The following UBE2D2 variants were observed in gnomAD, a reference collection of about 807,000 sequenced individuals.
UBE2D2 encodes the protein ubiquitin conjugating enzyme E2 D2, also known as ubiquitin-conjugating enzyme E2 D2.
UBE2D2 carries 2 observed loss-of-function variants against 24.2 expected under a neutral mutation model. That is an observed-to-expected ratio of 0.08 (90% CI 0.03 to 0.26). The LOEUF is 0.26. Ranked by LOEUF, UBE2D2 falls within the 10% of genes least tolerant of loss-of-function variation. The probability of loss-of-function intolerance (pLI) is 1.00; values close to 1 mark genes in which losing one functional copy is unlikely to be tolerated. For missense variants in UBE2D2, 44 were observed against 177.6 expected, an observed-to-expected ratio of 0.25 and a Z score of 4.28; for synonymous variants, 58 against 56.5, an observed-to-expected ratio of 1.03 and a Z score of -0.12.
chr5:139,533,969 G>A (rs1752630430), intron 1 of UBE2D2, among the ~76,000 whole-genome samples: 1 of 151,478 alleles, frequency 6.6e-6, no homozygotes, highest in East Asian at 2.0e-4. Flanking sequence ...ATTTAGTAGA[G>A]ACACGGTTTC....
At chr5:139,558,874 C>T (rs1479055580), upstream of UBE2D2, among the ~76,000 whole-genome samples, 1 of 151,986 alleles carries the variant, frequency 6.6e-6, no homozygotes, top group African/African-American at 2.4e-5. Flanking sequence ...CACCACGGCT[C>T]ACTGCAGTTT....
intron 6 of UBE2D2, 200 bp downstream of exon 6, chr5:139,623,661 C>T (rs1033562866): frequency 2.3e-5 from 10 of 428,302 alleles, no homozygotes; most frequent in East Asian, 1.7e-4. Flanking sequence ...GATTGTTTCA[C>T]GTGACTCCTC....
chr5:139,543,357 G>T (rs1752782802), intron 1 of UBE2D2, among the ~76,000 whole-genome samples: 1 of 152,204 alleles, frequency 6.6e-6, no homozygotes, highest in South Asian at 2.1e-4. Flanking sequence ...ACAGTGAGCT[G>T]CCAAACTGTT....
At chr5:139,623,511 T>A in intron 6 of UBE2D2, 50 bp downstream of exon 6, 1 of 1,475,112 alleles carries the variant, frequency 6.8e-7, no homozygotes, top group East Asian at 2.3e-5. Flanking sequence ...ATGGAGATGT[T>A]TGTCACAAAT....
chr5:139,623,958 T>C (rs1246797052), intron 6 of UBE2D2, among the ~76,000 whole-genome samples: 2 of 152,188 alleles, frequency 1.3e-5, no homozygotes, highest in Non-Finnish European at 2.9e-5. Flanking sequence ...CCCAAAGTGC[T>C]GGGATTACAG....
chr5:139,614,979 A>T lies in UBE2D2; in HGVS notation c.304+13A>T. ...ACTATTTCAAAAGGTAACAGTGGGT[A>T]TTTGATATCAAGATAAAGCAACCGT... On this transcript the variant is annotated intron_variant, in intron 5 of 6. Coordinates refer to ENST00000398733, the MANE Select transcript of UBE2D2 (RefSeq NM_003339.3). The T allele has an allele frequency of 6.3e-7, 1 of 1,594,244 alleles. No individual in the cohort carries two copies. The highest frequency in any genetic ancestry group is 1.1e-5 in the South Asian group (1 of 87,164).
In UBE2D2 at chr5:139,586,503, C is replaced by T. The variant is rs141305545; in HGVS notation, c.25-13869C>T. Among the ~76,000 whole-genome samples the T allele has an allele frequency of 6.6e-4, 101 of 152,238 alleles. 2 individuals carry two copies. Among genetic ancestry groups the T allele is most frequent in the African/African-American group, 2.2e-3 (91 of 41,538 alleles). ...TTCTTAGGCTGGACACAGTGGCTTA[C>T]GCCTGTAATCCCCACACTTTGGGAG... On this transcript the variant is annotated intron_variant, in intron 1 of 6. Transcript: ENST00000398733.
At chr5:139,602,883 A>G (rs1581522870) in intron 2 of UBE2D2, among the ~76,000 whole-genome samples, 1 of 152,216 alleles carries the variant, frequency 6.6e-6, no homozygotes, top group Admixed American at 6.5e-5. Context: ...TAACTATAGT[A>G]TTTGGTACCA....
At chr5:139,617,277 T>C (rs992362888) in intron 5 of UBE2D2, among the ~76,000 whole-genome samples, 6 of 151,722 alleles carry the variant, frequency 4.0e-5, no homozygotes, top group African/African-American at 1.5e-4. Context: ...GCATATACAC[T>C]GTAACAAGAG....
intron 1 of UBE2D2, among the ~76,000 whole-genome samples, chr5:139,527,646 C>T (rs895008491): frequency 6.6e-6 from 1 of 151,722 alleles, no homozygotes; most frequent in Non-Finnish European, 1.5e-5. Context: ...AAATTCTTGT[C>T]CTGAAATAAA....
At chr5:139,533,657 A>G (rs1000639928) in intron 1 of UBE2D2, among the ~76,000 whole-genome samples, 10 of 148,634 alleles carry the variant, frequency 6.7e-5, no homozygotes, top group African/African-American at 1.9e-4. Context: ...GTCTCAAAAA[A>G]AAAAGAAAAG....
intron 1 of UBE2D2, among the ~76,000 whole-genome samples, chr5:139,548,181 AAATAAAAAAAAAAAAT>A (rs1752860915): frequency 2.8e-5 from 1 of 35,814 alleles, no homozygotes; most frequent in African/African-American, 4.2e-4. Flanking sequence ...AAAAAAAAAA[AAATAAAAAAAAAAAAT>A]AAATAAATAA....
intron 2 of UBE2D2, among the ~76,000 whole-genome samples, chr5:139,603,675 G>A (rs1754131280): frequency 2.1e-5 from 3 of 143,496 alleles, no homozygotes; most frequent in South Asian, 2.3e-4. Context: ...ACGTCTGTAC[G>A]CCTGTAATGC....
chr5:139,604,895 A>G (rs1754166972), intron 2 of UBE2D2, among the ~76,000 whole-genome samples: 1 of 152,054 alleles, frequency 6.6e-6, no homozygotes, highest in Admixed American at 6.6e-5. Flanking sequence ...AAAAAAAAAA[A>G]ACAAGTATTG....
chr5:139,532,960 T>C (rs2126627404), intron 1 of UBE2D2, among the ~76,000 whole-genome samples: 1 of 151,760 alleles, frequency 6.6e-6, no homozygotes, highest in East Asian at 2.0e-4. Context: ...ATACAAAAAT[T>C]AGCTGGGCGT....
chr5:139,538,068 T>C (rs967334759), intron 1 of UBE2D2, among the ~76,000 whole-genome samples: 2 of 152,162 alleles, frequency 1.3e-5, no homozygotes, highest in Non-Finnish European at 2.9e-5. Flanking sequence ...GTCTCACTCT[T>C]TCACCTTGGG....
At chr5:139,534,027 C>A (rs1291008728) in intron 1 of UBE2D2, among the ~76,000 whole-genome samples, 1 of 151,636 alleles carries the variant, frequency 6.6e-6, no homozygotes, top group Non-Finnish European at 1.5e-5. Flanking sequence ...GTGACCCACC[C>A]GCCTCAGCCT....
chr5:139,601,798 C>T lies in UBE2D2; in HGVS notation c.88+1363C>T, dbSNP rs562685695. Reference sequence around the variant, plus strand: ...TGGTGACAGGCGCCTGTAATCCCACCTACTTGGGAGGTTGAGGCAGACAAC... The same window carrying T: ...TGGTGACAGGCGCCTGTAATCCCACTTACTTGGGAGGTTGAGGCAGACAAC... On this transcript the variant is annotated intron_variant, in intron 2 of 6. Transcript: ENST00000398733. Among the ~76,000 whole-genome samples the T allele has an allele frequency of 2.6e-5, 4 of 151,254 alleles. 1 individual carries two copies. The highest frequency in any genetic ancestry group is 6.9e-3 in the Middle Eastern group (2 of 290).
intron 5 of UBE2D2, among the ~76,000 whole-genome samples, chr5:139,619,288 C>T (rs1300323893): frequency 1.3e-5 from 2 of 151,466 alleles, no homozygotes; most frequent in South Asian, 2.1e-4. Flanking sequence ...CCCAACTACT[C>T]GGGAGGCTGA....
Sources: allele counts gnomAD v4.1 joint callset (sites outside exome capture counted in the v4.1 genomes callset), GRCh38; gene constraint gnomAD v4.1.1; transcripts MANE v1.5; gene names NCBI Gene and HGNC (gene_info 2026-07-23, HGNC 2026-07-21).